The following PCDHGA5 variants were observed in gnomAD, a reference collection of about 807,000 sequenced individuals.
PCDHGA5 encodes the protein protocadherin gamma subfamily A, 5, also known as protocadherin gamma-A5.
PCDHGA5 carries 36 observed loss-of-function variants against 56.7 expected under a neutral mutation model. The observed-to-expected ratio is 0.64, with a 90% CI of 0.49 to 0.84. PCDHGA5 has a LOEUF of 0.84. Ranked by LOEUF, PCDHGA5 falls within the 40% of genes least tolerant of loss-of-function variation. PCDHGA5 has a pLI of 0.00. For missense variants in PCDHGA5, 1,305 were observed against 1,201.5 expected (o/e 1.09, Z -1.27); for synonymous variants, 563 against 520.2 (o/e 1.08, Z -1.12).
At chr5:141,471,965 G>A (rs919560714) in intron 1 of PCDHGA5, among the ~76,000 whole-genome samples, 4 of 152,160 alleles carry the variant, frequency 2.6e-5, no homozygotes, top group Non-Finnish European at 4.4e-5. Context: ...GGGGTTGGTT[G>A]CATTACTGTA....
chr5:141,404,159 A>C, intron 1 of PCDHGA5: 1 of 1,613,114 alleles, frequency 6.2e-7, no homozygotes, highest in South Asian at 1.1e-5. Flanking sequence ...AGATTATTAC[A>C]GATTGTTGAC....
At chr5:141,375,477 A>G (rs757005832) in intron 1 of PCDHGA5, 132 of 1,613,680 alleles carry the variant, frequency 8.2e-5, no homozygotes, top group Non-Finnish European at 1.1e-4. Context: ...CTTGAAAACA[A>G]CCCCAGGGGT....
rs1481706003 is a variant in PCDHGA5, at chr5:141,491,416, G to A, written c.2422-3391G>A. On this transcript the variant is annotated intron_variant, in intron 1 of 3. Transcript: ENST00000518069. This position sits in a 1 kb window ranked among gnomAD's most constrained non-coding sequence, Gnocchi z 6.9. ...TCAGGGAAACGCAGACGGGGACGGG[G>A]GTGGAGGGCAGTGCTGCAGGCGCCA... 3 of 1,614,138 alleles carry A rather than the reference G, an allele frequency of 1.9e-6. No homozygotes were observed. The highest frequency in any genetic ancestry group is 2.2e-5 in the East Asian group (1 of 44,874).
At chr5:141,460,596 C>G (rs930441447) in intron 1 of PCDHGA5, among the ~76,000 whole-genome samples, 2 of 151,986 alleles carry the variant, frequency 1.3e-5, no homozygotes, top group Non-Finnish European at 2.9e-5. Flanking sequence ...TTTCTGGGCT[C>G]TCTGTGTTAG....
chr5:141,374,065 AG>A, intron 1 of PCDHGA5: 1 of 1,497,724 alleles, frequency 6.7e-7, no homozygotes, highest in Non-Finnish European at 8.9e-7. Context: ...ATCCCAGAGA[AG>A]TTCCTAATAA....
chr5:141,509,224 T>G (rs1241668369), intron 3 of PCDHGA5, among the ~76,000 whole-genome samples: 3 of 152,176 alleles, frequency 2.0e-5, no homozygotes, highest in Non-Finnish European at 2.9e-5. Flanking sequence ...AATCCCTGGT[T>G]GATGTCCCAG....
In PCDHGA5 at chr5:141,432,330, A is replaced by G. The variant is rs760184218; in HGVS notation, c.2422-62477A>G. 82 of 1,614,134 alleles carry G rather than the reference A, an allele frequency of 5.1e-5. No individual in the cohort carries two copies. The highest frequency in any genetic ancestry group is 6.8e-5 in the Non-Finnish European group (80 of 1,180,048). Reference sequence around the variant, plus strand: ...GCGCTGAGCTCCTTCGACTACGAGCAGTTCCGAGACTTGCAAGTGAAAGTG... The same window carrying G: ...GCGCTGAGCTCCTTCGACTACGAGCGGTTCCGAGACTTGCAAGTGAAAGTG... On this transcript the variant is annotated intron_variant, in intron 1 of 3. Transcript: ENST00000518069. The surrounding 1 kb of genome is among the most constrained non-coding windows in gnomAD (Gnocchi z 6.0).
chr5:141,422,422 T>TA, intron 1 of PCDHGA5: 1 of 1,607,804 alleles, frequency 6.2e-7, no homozygotes, highest in Non-Finnish European at 8.5e-7. Flanking sequence ...AGAAAAGACT[T>TA]ATGGAAATTA....
chr5:141,383,995 A>G, intron 1 of PCDHGA5: 1 of 1,613,890 alleles, frequency 6.2e-7, no homozygotes, highest in East Asian at 2.2e-5. Context: ...TGGGACAGTC[A>G]TTGCTCTTTT....
Position 141,461,919 on chromosome 5 carries a change from G to T in PCDHGA5, c.2422-32888G>T, listed in dbSNP as rs10060711. On this transcript the variant is annotated intron_variant, in intron 1 of 3. Transcript: ENST00000518069. Reference sequence around the variant, plus strand: ...GCTCACTGCAACCTCTGCCTCCTGGGTTCCAGCAATTCTCCTGCCTCAACC... The same window carrying T: ...GCTCACTGCAACCTCTGCCTCCTGGTTTCCAGCAATTCTCCTGCCTCAACC... 5.4e-3 allele frequency among the ~76,000 whole-genome samples: 815 copies of T among 152,214 alleles called. 11 individuals are homozygous for T. Among genetic ancestry groups the T allele is most frequent in the African/African-American group, 0.019 (780 of 41,542 alleles).
At chr5:141,421,977 G>A in intron 1 of PCDHGA5, 1 of 1,609,542 alleles carries the variant, frequency 6.2e-7, no homozygotes, top group Admixed American at 1.7e-5. Context: ...TATATCGCGT[G>A]AGTGTTCCAG....
intron 1 of PCDHGA5, chr5:141,407,992 G>A (rs929571955): frequency 4.3e-5 from 37 of 851,508 alleles, no homozygotes; most frequent in Middle Eastern, 3.7e-4. Context: ...GTCAGCCTCT[G>A]GCCTGGGATT....
chr5:141,467,602 A>G (rs981250164), intron 1 of PCDHGA5, among the ~76,000 whole-genome samples: 3 of 152,216 alleles, frequency 2.0e-5, no homozygotes, highest in Non-Finnish European at 4.4e-5. Flanking sequence ...TAAGCACTTC[A>G]TCTTTGTCCC....
intron 1 of PCDHGA5, chr5:141,419,209 G>C: frequency 6.2e-7 from 1 of 1,613,900 alleles, no homozygotes; most frequent in Admixed American, 1.7e-5. Context: ...ACAACGCGCC[G>C]GTTTTCGGAC....
At chr5:141,394,338 T>C in intron 1 of PCDHGA5, 2 of 1,614,048 alleles carry the variant, frequency 1.2e-6, no homozygotes, top group Non-Finnish European at 1.7e-6. Flanking sequence ...CTCCATCAAC[T>C]CTGACACCGG....
intron 1 of PCDHGA5, among the ~76,000 whole-genome samples, chr5:141,447,896 G>C (rs2098554754): frequency 6.6e-6 from 1 of 152,022 alleles, no homozygotes; most frequent in African/African-American, 2.4e-5. Flanking sequence ...GACCAGCCTG[G>C]CCAACATGGT....
Position 141,487,176 on chromosome 5 carries a change from A to G in PCDHGA5, c.2422-7631A>G. On this transcript the variant is annotated intron_variant, in intron 1 of 3. Coordinates refer to ENST00000518069, the MANE Select transcript of PCDHGA5 (RefSeq NM_018918.3). The surrounding 1 kb of genome is among the most constrained non-coding windows in gnomAD (Gnocchi z 5.0). ...ACTCTCTTAGTGTCCTTAGAGGAAGACACTCATCCAGTTGTCCCAGATCTT... is the reference window on the plus strand; with the variant it reads ...ACTCTCTTAGTGTCCTTAGAGGAAGGCACTCATCCAGTTGTCCCAGATCTT... 1 of 1,613,774 alleles carries G rather than the reference A, an allele frequency of 6.2e-7. No homozygotes were observed. The highest frequency in any genetic ancestry group is 8.5e-7 in the Non-Finnish European group (1 of 1,179,664).
chr5:141,419,121 C>T, intron 1 of PCDHGA5: 5 of 1,613,882 alleles, frequency 3.1e-6, no homozygotes, highest in Non-Finnish European at 3.4e-6. Flanking sequence ...TACAACGTCA[C>T]CATCGCAGCC....
chr5:141,399,260 T>A (rs2093776436), intron 1 of PCDHGA5: 1 of 1,613,614 alleles, frequency 6.2e-7, no homozygotes, highest in South Asian at 1.1e-5. Context: ...AATGGGGAGG[T>A]TAATTGTCAA....
Sources: gnomAD v4.1 joint callset for allele counts (sites outside exome capture counted in the v4.1 genomes callset) on GRCh38, gnomAD v4.1.1 for gene constraint, Gnocchi (gnomAD v3.1) non-coding constraint, MANE v1.5 for transcripts, NCBI Gene and HGNC (gene_info 2026-07-23, HGNC 2026-07-21) for gene names.